TEX29: variants seen among roughly 807,000 people sequenced by gnomAD.
TEX29 encodes the protein testis-expressed protein 29.
Under a neutral mutation model 18.2 loss-of-function variants are expected in TEX29, and 26 were observed. The observed-to-expected ratio is 1.43, with a 90% confidence interval of 1.04 to 1.98. TEX29 has a LOEUF of 1.98. TEX29 is among the 30% of genes most tolerant of loss of function. The pLI is 0.00. For missense variants in TEX29, 177 were observed against 194.2 expected (o/e 0.91, Z 0.53); for synonymous variants, 83 against 78.5 (o/e 1.06, Z -0.31).
intron 3 of TEX29, among the ~76,000 whole-genome samples, chr13:111,332,289 A>G (rs1337945285): frequency 2.6e-5 from 4 of 152,076 alleles, no homozygotes; most frequent in African/African-American, 9.7e-5. Context: ...AAAGTATTTT[A>G]CTGTTTTTAA....
intron 2 of TEX29, among the ~76,000 whole-genome samples, chr13:111,322,987 CA>C (rs2093667187): frequency 6.6e-6 from 1 of 152,214 alleles, no homozygotes; most frequent in Admixed American, 6.5e-5. Flanking sequence ...GGTCTGAACC[CA>C]AGAAGCAGCC....
chr13:111,339,868 A>C lies in TEX29; in HGVS notation c.175A>C (p.Ile59Leu). Reference protein sequence around the residue: ...VCYKKAVPIYIHVFSALIVII... With the variant: ...VCYKKAVPIYLHVFSALIVII... ...CAAATCCCACCATTTTTCAGTTTAC[A>C]TCCACGTGTTCTCTGCCTTGATTGT... is the stretch of plus-strand genomic sequence containing the variant. The change falls in exon 4 of 6, where the codon ATC (isoleucine) becomes CTC (leucine). Residue 59 changes from isoleucine to leucine, a missense_variant. Coordinates refer to ENST00000283547, the MANE Select transcript of TEX29 (RefSeq NM_152324.3). The C allele has an allele frequency of 6.2e-7, 1 of 1,613,656 alleles. No individual in the cohort carries two copies. Among genetic ancestry groups the C allele is most frequent in the Non-Finnish European group, 8.5e-7 (1 of 1,179,884 alleles).
At chr13:111,320,988 G>GGGGGGGGGGGGGGGGGGGGGGGGGGGGC in intron 2 of TEX29, 40 bp downstream of exon 2, 1 of 431,420 alleles carries the variant, frequency 2.3e-6, no homozygotes, top group Non-Finnish European at 4.3e-6. Flanking sequence ...TGGGGTGGGG[G>GGGGGGGGGGGGGGGGGGGGGGGGGGGGC]AGCAGTTGGG....
chr13:111,320,610 G>A, upstream of TEX29: 1 of 536,604 alleles, frequency 1.9e-6, no homozygotes, highest in South Asian at 2.1e-5. Context: ...CAGCGGGCGG[G>A]GTGGTGTGTG....
intron 2 of TEX29, among the ~76,000 whole-genome samples, chr13:111,322,332 C>T (rs1595683843): frequency 7.2e-6 from 1 of 139,230 alleles, no homozygotes; most frequent in Non-Finnish European, 1.6e-5. Context: ...GCTGGGGTGG[C>T]CCCTCTCATA....
At chr13:111,340,124 T>C (rs915083204) in intron 4 of TEX29, among the ~76,000 whole-genome samples, 192 bp downstream of exon 4, 2 of 151,960 alleles carry the variant, frequency 1.3e-5, no homozygotes, top group Non-Finnish European at 2.9e-5. Context: ...AGAGTGCTTG[T>C]TGATGAAAAT....
At chr13:111,328,691 G>C (rs1046191731) in intron 3 of TEX29, among the ~76,000 whole-genome samples, 29 of 152,218 alleles carry the variant, frequency 1.9e-4, no homozygotes, top group African/African-American at 6.8e-4. Context: ...GAGCCCATCA[G>C]GGTGGAGCGG....
chr13:111,323,209 GCCTCCAGACAGCCC>G (rs1267430004), intron 2 of TEX29, among the ~76,000 whole-genome samples: 1 of 152,208 alleles, frequency 6.6e-6, no homozygotes, highest in Non-Finnish European at 1.5e-5. Context: ...AGGCAGCTGG[GCCTCCAGACAGCCC>G]CCTAGCAGGT....
At chr13:111,317,548 T>C (rs1056581042), upstream of TEX29, among the ~76,000 whole-genome samples, 1 of 152,196 alleles carries the variant, frequency 6.6e-6, no homozygotes, top group African/African-American at 2.4e-5. Context: ...TTGGGGTTGC[T>C]TTCTAATGGG....
chr13:111,339,610 G>A (rs996887750), intron 3 of TEX29, among the ~76,000 whole-genome samples: 6 of 152,058 alleles, frequency 3.9e-5, no homozygotes, highest in African/African-American at 1.4e-4. Context: ...GTCACAAGGT[G>A]TCCTCTGGGT....
At chr13:111,324,740 C>T (rs1200100480) in intron 2 of TEX29, among the ~76,000 whole-genome samples, 2 of 152,222 alleles carry the variant, frequency 1.3e-5, no homozygotes, top group Non-Finnish European at 2.9e-5. Flanking sequence ...GATGATGCCT[C>T]ACTGCCTGGG....
chr13:111,338,210 G>GA (rs2093692288), intron 3 of TEX29, among the ~76,000 whole-genome samples: 3 of 151,970 alleles, frequency 2.0e-5, no homozygotes, highest in African/African-American at 4.8e-5. Flanking sequence ...ACCTAATTTA[G>GA]AAAAAAGGGT....
upstream of TEX29, among the ~76,000 whole-genome samples, chr13:111,317,021 A>AC (rs1271577056): frequency 2.0e-5 from 3 of 150,934 alleles, no homozygotes; most frequent in African/African-American, 7.3e-5. Flanking sequence ...CGGTCCAATC[A>AC]CCCCCCACCA....
intron 2 of TEX29, among the ~76,000 whole-genome samples, chr13:111,321,776 A>G (rs1442553832): frequency 6.6e-6 from 1 of 152,086 alleles, no homozygotes; most frequent in African/African-American, 2.4e-5. Context: ...TACAAAAATT[A>G]GCCGAGCGTG....
chr13:111,337,724 A>G (rs1405703200), intron 3 of TEX29, among the ~76,000 whole-genome samples: 1 of 152,106 alleles, frequency 6.6e-6, no homozygotes, highest in Non-Finnish European at 1.5e-5. Context: ...TCCACGGGAC[A>G]GTCCTCACTT....
intron 4 of TEX29, 100 bp downstream of exon 4, chr13:111,340,032 G>T (rs2093695430): frequency 1.7e-6 from 2 of 1,143,402 alleles, no homozygotes; most frequent in Non-Finnish European, 2.6e-6. Flanking sequence ...GCTTGGTGCT[G>T]CTGGGGTGAC....
upstream of TEX29, among the ~76,000 whole-genome samples, chr13:111,319,330 A>G (rs755166393): frequency 6.6e-6 from 1 of 152,206 alleles, no homozygotes; most frequent in Non-Finnish European, 1.5e-5. Flanking sequence ...GTGCCCATCC[A>G]CAGACGAATG....
chr13:111,335,360 C>T (rs1159215796), intron 3 of TEX29, among the ~76,000 whole-genome samples: 2 of 152,192 alleles, frequency 1.3e-5, no homozygotes, highest in Non-Finnish European at 2.9e-5. Context: ...TTTTTGGGTT[C>T]CAGGCCTTCC....
At chr13:111,342,079 A>T (rs1028734229) in intron 4 of TEX29, among the ~76,000 whole-genome samples, 1 of 152,186 alleles carries the variant, frequency 6.6e-6, no homozygotes, top group African/African-American at 2.4e-5. Context: ...TGGTGAGGAA[A>T]TGCAGACCCG....
Sources: gnomAD v4.1 joint callset for allele counts (sites outside exome capture counted in the v4.1 genomes callset) on GRCh38, gnomAD v4.1.1 for gene constraint, MANE v1.5 for transcripts, NCBI Gene and HGNC (gene_info 2026-07-23, HGNC 2026-07-21) for gene names.